MAGI2: variants seen among roughly 807,000 people sequenced by gnomAD.
MAGI2 encodes membrane associated guanylate kinase, WW and PDZ domain containing 2, also known as membrane-associated guanylate kinase, WW and PDZ domain-containing protein 2.
Under a neutral mutation model 133.3 loss-of-function variants are expected in MAGI2, and 35 were observed. That is an observed-to-expected ratio of 0.26 (90% CI 0.20 to 0.35). The LOEUF is 0.35. MAGI2 is among the 10% of genes least tolerant of loss of function. The pLI is 1.00. For synonymous variants in MAGI2, 729 were observed against 710.6 expected (o/e 1.03, Z -0.41); for missense variants, 1,636 against 1,863.4 (o/e 0.88, Z 2.25).
chr7:79,281,432 T>C (rs908848823), intron 1 of MAGI2, among the ~76,000 whole-genome samples: 3 of 152,158 alleles, frequency 2.0e-5, no homozygotes, highest in African/African-American at 7.2e-5. Flanking sequence ...TTTATGATGC[T>C]TTTATATCTG....
chr7:78,716,421 G>A (rs1246810894), intron 2 of MAGI2, among the ~76,000 whole-genome samples: 1 of 152,104 alleles, frequency 6.6e-6, no homozygotes, highest in Non-Finnish European at 1.5e-5. Flanking sequence ...GTGTTAGTAG[G>A]AGAGAAAGCA....
intron 9 of MAGI2, among the ~76,000 whole-genome samples, chr7:78,275,533 G>T (rs1000625078): frequency 6.6e-6 from 1 of 152,036 alleles, no homozygotes; most frequent in Non-Finnish European, 1.5e-5. Flanking sequence ...TAGTCAGCCT[G>T]CCCAAGTCCT....
intron 16 of MAGI2, among the ~76,000 whole-genome samples, chr7:78,140,326 T>G (rs918844994): frequency 2.6e-5 from 4 of 152,224 alleles, no homozygotes; most frequent in Admixed American, 2.6e-4. Context: ...TGTATTTCAT[T>G]TCAGAGAAAG....
intron 2 of MAGI2, among the ~76,000 whole-genome samples, chr7:78,901,678 T>C (rs942055622): frequency 6.6e-6 from 1 of 152,182 alleles, no homozygotes; most frequent in African/African-American, 2.4e-5. Context: ...TATACTTTTT[T>C]TTTTTTAAGT....
intron 4 of MAGI2, among the ~76,000 whole-genome samples, chr7:78,517,650 T>G (rs1430528921): frequency 6.6e-6 from 1 of 152,176 alleles, no homozygotes; most frequent in Admixed American, 6.5e-5. Flanking sequence ...TTTTTATTAT[T>G]GACAAGGATA....
In MAGI2 at chr7:79,137,454, T is replaced by TTTG. The variant is rs745630775; in HGVS notation, c.302-130249_302-130248insCAA. ...TTCCACTTCTGGGTGTTTTTTGTTT[T>TTTG]TTTTTTTTTTTGAGACAAAGTTTCA... On this transcript the variant is annotated intron_variant, in intron 1 of 21. Transcript: ENST00000354212. 3.0e-3 allele frequency among the ~76,000 whole-genome samples: 446 copies of TTTG among 149,976 alleles called. 3 individuals carry two copies. Among genetic ancestry groups the TTTG allele is most frequent in the Non-Finnish European group, 4.9e-3 (332 of 67,314 alleles).
intron 16 of MAGI2, among the ~76,000 whole-genome samples, chr7:78,137,435 CTG>C (rs1822272080): frequency 6.6e-6 from 1 of 152,122 alleles, no homozygotes; most frequent in African/African-American, 2.4e-5. Context: ...TAAGTATTAA[CTG>C]TCATTCTTTT....
intron 2 of MAGI2, among the ~76,000 whole-genome samples, chr7:78,631,785 G>A: frequency 6.6e-6 from 1 of 152,072 alleles, no homozygotes; most frequent in East Asian, 1.9e-4. Flanking sequence ...ATTACTCTTT[G>A]GTTCAGATGA....
Position 78,078,966 on chromosome 7 carries a change from C to G in MAGI2, c.3687G>C (p.Thr1229=), listed in dbSNP as rs141533280. 2 of 1,613,664 alleles carry G rather than the reference C, an allele frequency of 1.2e-6. No individual in the cohort carries two copies. The highest frequency in any genetic ancestry group is 1.7e-6 in the Non-Finnish European group (2 of 1,179,932). Residue 1229 remains threonine, a synonymous_variant, in exon 21 of 22, where the codon ACG becomes ACC. Transcript: ENST00000354212. ...ACGTACCATATTCTGGGACCTGTCC[C>G]GTGCCTCTCTTGAGCAGCAGCCTCA... is the stretch of plus-strand genomic sequence containing the variant. ...RRVRLLLKRG[T]GQVPEYDEPA... is the part of the protein sequence containing the mutation.
chr7:78,200,822 C>G (rs1457339039), intron 11 of MAGI2, among the ~76,000 whole-genome samples: 1 of 151,992 alleles, frequency 6.6e-6, no homozygotes, highest in East Asian at 1.9e-4. Context: ...TGTATTGTTC[C>G]TAAAAATTCC....
intron 12 of MAGI2, among the ~76,000 whole-genome samples, 188 bp downstream of exon 12, chr7:78,194,686 A>C (rs1828556703): frequency 6.6e-6 from 1 of 152,204 alleles, no homozygotes; most frequent in Non-Finnish European, 1.5e-5. Context: ...ATAAGGCAAA[A>C]GATATAATAA....
intron 2 of MAGI2, among the ~76,000 whole-genome samples, chr7:78,640,345 A>G (rs1205343619): frequency 6.6e-6 from 1 of 152,200 alleles, no homozygotes; most frequent in African/African-American, 2.4e-5. Context: ...CAGACTCTCA[A>G]ATCACTGTTG....
At chr7:78,682,649 T>C (rs2151098735) in intron 2 of MAGI2, among the ~76,000 whole-genome samples, 1 of 152,282 alleles carries the variant, frequency 6.6e-6, no homozygotes, top group Admixed American at 6.5e-5. Context: ...TGGTTCCAAG[T>C]CTTTGCTATT....
chr7:78,564,329 A>G (rs1302709929), intron 3 of MAGI2, among the ~76,000 whole-genome samples: 1 of 152,190 alleles, frequency 6.6e-6, no homozygotes. Context: ...ACACTTCACA[A>G]TTAATATATT....
chr7:78,840,064 G>A (rs1314239584), intron 2 of MAGI2, among the ~76,000 whole-genome samples: 1 of 151,942 alleles, frequency 6.6e-6, no homozygotes, highest in Non-Finnish European at 1.5e-5. Context: ...GTAATTTCAA[G>A]TAGTAATTTT....
intron 8 of MAGI2, among the ~76,000 whole-genome samples, chr7:78,344,784 TAG>T (rs924987140): frequency 1.3e-5 from 2 of 152,226 alleles, no homozygotes; most frequent in African/African-American, 4.8e-5. Context: ...AGGCACTGCA[TAG>T]ATTTACCTGC....
chr7:78,985,991 T>C (rs1171204042), intron 2 of MAGI2, among the ~76,000 whole-genome samples: 1 of 152,090 alleles, frequency 6.6e-6, no homozygotes, highest in East Asian at 1.9e-4. Flanking sequence ...AGGATGACAG[T>C]AACACATTCT....
At chr7:78,301,283 A>T (rs945652681) in intron 9 of MAGI2, among the ~76,000 whole-genome samples, 17 of 152,228 alleles carry the variant, frequency 1.1e-4, no homozygotes, top group African/African-American at 4.1e-4. Flanking sequence ...CCAATGCAAG[A>T]AATATAAAAC....
intron 2 of MAGI2, among the ~76,000 whole-genome samples, chr7:78,916,107 CA>C (rs1421340596): frequency 6.6e-6 from 1 of 151,970 alleles, no homozygotes; most frequent in African/African-American, 2.4e-5. Context: ...AGATGTTGTT[CA>C]AAACCTACAA....
Sources: gnomAD v4.1 joint callset for allele counts (sites outside exome capture counted in the v4.1 genomes callset) on GRCh38, gnomAD v4.1.1 for gene constraint, MANE v1.5 for transcripts, NCBI Gene and HGNC (gene_info 2026-07-23, HGNC 2026-07-21) for gene names.